USP45: variants seen among roughly 807,000 people sequenced by gnomAD.
USP45 encodes ubiquitin carboxyl-terminal hydrolase 45.
Under a neutral mutation model 95.8 loss-of-function variants are expected in USP45, and 89 were observed. The ratio of observed to expected loss-of-function variants is 0.93; its 90% CI spans 0.78 to 1.11. The LOEUF (loss-of-function observed/expected upper bound fraction) is 1.11. Ranked by LOEUF, USP45 falls within the 50% of genes least tolerant of loss-of-function variation. The pLI is 0.00. For missense variants in USP45, 898 were observed against 942.5 expected (o/e 0.95, Z 0.62); for synonymous variants, 281 against 316.2 (o/e 0.89, Z 1.18).
chr6:99,478,208 A>AAACTT (rs1238419281), intron 8 of USP45, among the ~76,000 whole-genome samples: 1 of 146,140 alleles, frequency 6.8e-6, no homozygotes, highest in African/African-American at 2.5e-5. Context: ...AAAATTTAAT[A>AAACTT]AACTTAGATT....
rs1797407217 is a variant in USP45 at position 99,501,727 on chromosome 6, A to G, written c.478+2038T>C. 6 of 241,352 alleles carry G rather than the reference A, an allele frequency of 2.5e-5. No homozygotes were observed. In the South Asian group the frequency reaches 4.2e-4, roughly 17 times the overall value. 15.0% of individuals were successfully genotyped at this position (241,352 alleles called of 1,614,324 possible). Reference sequence around the variant, plus strand: ...GGAGGAAGAAACTATTATCCTATACACTCTTAACATACGTTATGTATTATT... The same window carrying G: ...GGAGGAAGAAACTATTATCCTATACGCTCTTAACATACGTTATGTATTATT... On this transcript the variant is annotated intron_variant, in intron 5 of 17. Coordinates refer to ENST00000500704, the MANE Select transcript of USP45 (RefSeq NM_001346022.3).
Position 99,446,150 on chromosome 6 carries a change from T to C in USP45, c.1622A>G (p.Lys541Arg), listed in dbSNP as rs561726621. 2 of 1,614,158 alleles carry C rather than the reference T, an allele frequency of 1.2e-6. No homozygotes were observed. Among genetic ancestry groups the C allele is most frequent in the South Asian group, 1.1e-5 (1 of 91,086 alleles). The stretch of plus-strand genomic sequence containing the variant: ...GTCAGTCTCCTTGGTGTACAGCAGT[T>C]TACCTGCTGACAGAGGGTAAAGGGG... Reference protein sequence around the residue: ...DGPLYPLSAGKLLYTKETDSG... With the variant: ...DGPLYPLSAGRLLYTKETDSG... The change falls in exon 14 of 18, where the codon AAA (lysine) becomes AGA (arginine). Residue 541 changes from lysine (K) to arginine (R), a missense_variant. Transcript: ENST00000500704.
At chr6:99,448,077 C>T (rs1782945751) in intron 13 of USP45, among the ~76,000 whole-genome samples, 1 of 152,058 alleles carries the variant, frequency 6.6e-6, no homozygotes, top group Non-Finnish European at 1.5e-5. Flanking sequence ...TAGATAAAAC[C>T]ACAAAGATGG....
Position 99,466,688 on chromosome 6 carries a change from C to CACATG in USP45, c.1086_1090dup (p.Cys364SerfsTer12). ...AGTACCTACATTTGCACATTCTTCACACATGACCGTGCTAGTTAATTCACC... is the reference window on the plus strand; with the variant it reads ...AGTACCTACATTTGCACATTCTTCACACATGACATGACCGTGCTAGTTAATTCACC... On this transcript the variant is annotated frameshift_variant, in exon 11 of 18. Transcript: ENST00000500704. LOFTEE classifies it high-confidence loss of function. The CACATG allele has an allele frequency of 6.2e-7, 1 of 1,613,280 alleles. No individual in the cohort carries two copies. Among genetic ancestry groups the CACATG allele is most frequent in the Non-Finnish European group, 8.5e-7 (1 of 1,179,478 alleles).
chr6:99,473,331 G>C (rs533591042), intron 9 of USP45, among the ~76,000 whole-genome samples: 1 of 152,034 alleles, frequency 6.6e-6, no homozygotes, highest in Non-Finnish European at 1.5e-5. Flanking sequence ...CTTGAGGTCC[G>C]GAGTTCGAAA....
At chr6:99,500,950 C>T (rs1341072033) in intron 5 of USP45, among the ~76,000 whole-genome samples, 2 of 152,174 alleles carry the variant, frequency 1.3e-5, no homozygotes, top group Non-Finnish European at 1.5e-5. Context: ...CAGCTGTACA[C>T]TGGGCTATAG....
At chr6:99,456,248 A>G (rs1381098200) in intron 13 of USP45, among the ~76,000 whole-genome samples, 2 of 151,804 alleles carry the variant, frequency 1.3e-5, no homozygotes, top group African/African-American at 4.8e-5. Flanking sequence ...AAAGAGAGGT[A>G]TGTTAGTGAG....
intron 9 of USP45, among the ~76,000 whole-genome samples, chr6:99,469,277 G>T (rs1188170362): frequency 6.6e-6 from 1 of 151,592 alleles, no homozygotes; most frequent in Non-Finnish European, 1.5e-5. Flanking sequence ...TTTTAGGAAA[G>T]ATCCAATCTC....
At chr6:99,512,202 T>C (rs1432430294) in intron 1 of USP45, among the ~76,000 whole-genome samples, 1 of 152,150 alleles carries the variant, frequency 6.6e-6, no homozygotes, top group East Asian at 1.9e-4. Context: ...CCTAAGACTT[T>C]AGCTTTTTAA....
chr6:99,500,824 A>G (rs1440238465), intron 5 of USP45, among the ~76,000 whole-genome samples: 2 of 152,180 alleles, frequency 1.3e-5, no homozygotes, highest in Non-Finnish European at 2.9e-5. Context: ...TAAGTAAATG[A>G]TAAGTGATCA....
rs1186595573 is a variant in USP45, at chr6:99,435,234, A to G, written c.*482T>C. The G allele has an allele frequency of 2.6e-5, 4 of 152,554 alleles. No individual in the cohort carries two copies. Among genetic ancestry groups the G allele is most frequent in the African/African-American group, 7.2e-5 (3 of 41,460 alleles). The allele number at this position is 152,554 out of a possible 1,614,324, so 9.5% of individuals were successfully genotyped here. A position where few individuals can be genotyped will look rare whatever the true frequency, so the allele number is the denominator to read the frequency against. On this transcript the variant is annotated 3_prime_UTR_variant, in exon 18 of 18. Transcript: ENST00000500704. ...TTACTTTAATATTTATTATAAAAATATAAAAGCACATAAAACACGGAATAT... is the reference window on the plus strand; with the variant it reads ...TTACTTTAATATTTATTATAAAAATGTAAAAGCACATAAAACACGGAATAT...
intron 13 of USP45, among the ~76,000 whole-genome samples, chr6:99,456,041 G>T (rs1220925196): frequency 1.3e-5 from 2 of 149,738 alleles, no homozygotes; most frequent in Non-Finnish European, 3.0e-5. Flanking sequence ...GCTGAGGCAG[G>T]AGAATGGCAT....
chr6:99,438,869 G>A (rs1465303534), intron 16 of USP45, among the ~76,000 whole-genome samples: 1 of 152,102 alleles, frequency 6.6e-6, no homozygotes, highest in African/African-American at 2.4e-5. Context: ...TCATGGTACT[G>A]TTCTATTTGC....
At chr6:99,461,764 A>G (rs983737739) in intron 13 of USP45, 1 of 984,584 alleles carries the variant, frequency 1.0e-6, no homozygotes, top group African/African-American at 1.7e-5. Context: ...TATAATTTTA[A>G]AAGATGCAAG....
At chr6:99,442,897 T>C (rs1781793927) in intron 15 of USP45, among the ~76,000 whole-genome samples, 1 of 151,684 alleles carries the variant, frequency 6.6e-6, no homozygotes, top group Non-Finnish European at 1.5e-5. Context: ...CTTGATAATT[T>C]GTTTTATACA....
chr6:99,495,615 TTA>T (rs1796129523), intron 5 of USP45, among the ~76,000 whole-genome samples: 1 of 152,214 alleles, frequency 6.6e-6, no homozygotes, highest in African/African-American at 2.4e-5. Flanking sequence ...CACTTAAACA[TTA>T]TCTACTGTCT....
rs1056446050 is a variant in USP45 at position 99,462,398 on chromosome 6, C to T, written c.1308+2206G>A. On this transcript the variant is annotated intron_variant, in intron 13 of 17. Transcript: ENST00000500704. Reference sequence around the variant, plus strand: ...TGTATTAAAACTACTTTGGCCAGTACCACAGAATCTCCTAACTCTTTAAAC... The same window carrying T: ...TGTATTAAAACTACTTTGGCCAGTATCACAGAATCTCCTAACTCTTTAAAC... 3 of 984,048 alleles carry T rather than the reference C, an allele frequency of 3.0e-6. No homozygotes were observed. In the African/African-American group the frequency reaches 5.2e-5, roughly 17 times the overall value. 61.0% of individuals were successfully genotyped at this position (984,048 alleles called of 1,614,324 possible). A position where few individuals can be genotyped will look rare whatever the true frequency, so the allele number is the denominator to read the frequency against.
intron 10 of USP45, chr6:99,467,977 C>T: frequency 2.9e-6 from 1 of 339,530 alleles, no homozygotes; most frequent in Non-Finnish European, 5.9e-6. Context: ...TATATAAACC[C>T]TATATAGTAT....
At chr6:99,501,971 A>C (rs1457408285) in intron 5 of USP45, 4 of 1,303,192 alleles carry the variant, frequency 3.1e-6, no homozygotes, top group African/African-American at 3.0e-5. Context: ...GCCCCTAGAC[A>C]GTTTATGCTG....
Sources: allele counts gnomAD v4.1 joint callset (sites outside exome capture counted in the v4.1 genomes callset), GRCh38; gene constraint gnomAD v4.1.1; transcripts MANE v1.5; gene names NCBI Gene and HGNC (gene_info 2026-07-23, HGNC 2026-07-21).